The following ME1 variants were observed in gnomAD, a reference collection of about 807,000 sequenced individuals.
The protein encoded by ME1 is NADP-dependent malic enzyme.
In ME1, 74 loss-of-function variants were observed where a neutral mutation model predicts 66.4. That is an observed-to-expected ratio of 1.11 (90% CI 0.92 to 1.35). The LOEUF (loss-of-function observed/expected upper bound fraction) is 1.35, where lower values mean the gene tolerates loss of function less well. ME1 is among the 40% of genes most tolerant of loss of function. The pLI is 0.00. For missense variants in ME1, 750 were observed against 694.1 expected (o/e 1.08, Z -0.90); for synonymous variants, 251 against 235.6 (o/e 1.07, Z -0.60).
intron 5 of ME1, 128 bp from the exon 6 acceptor site, chr6:83,315,541 A>C: frequency 3.3e-6 from 2 of 611,772 alleles, no homozygotes; most frequent in Non-Finnish European, 5.8e-6. Flanking sequence ...TTCAGAATTA[A>C]CCTACAGGGT....
intron 3 of ME1, among the ~76,000 whole-genome samples, chr6:83,354,436 G>A (rs775990842): frequency 2.0e-4 from 30 of 152,034 alleles, no homozygotes; most frequent in East Asian, 1.9e-4. Flanking sequence ...TTGGCCTCTC[G>A]TGGTTTTAAA....
intron 6 of ME1, among the ~76,000 whole-genome samples, chr6:83,270,427 C>G (rs1238832447): frequency 1.3e-5 from 2 of 152,026 alleles, no homozygotes; most frequent in African/African-American, 4.8e-5. Flanking sequence ...TTTGATATTT[C>G]TATAGGACAA....
intron 4 of ME1, among the ~76,000 whole-genome samples, chr6:83,347,041 C>A (rs1768700794): frequency 6.6e-6 from 1 of 152,110 alleles, no homozygotes; most frequent in Non-Finnish European, 1.5e-5. Context: ...GCAACCTCTG[C>A]CTACCGGGTT....
chr6:83,376,804 C>CCAAAAAAAAAA (rs768668584), intron 3 of ME1, among the ~76,000 whole-genome samples: 8 of 87,128 alleles, frequency 9.2e-5, no homozygotes, highest in African/African-American at 3.1e-4. Flanking sequence ...CCCTGTCTCA[C>CCAAAAAAAAAA]AAAAAAAAAA....
chr6:83,397,675 C>T (rs1286299588), intron 3 of ME1, among the ~76,000 whole-genome samples: 1 of 152,178 alleles, frequency 6.6e-6, no homozygotes, highest in East Asian at 1.9e-4. Context: ...TCTGCACTCA[C>T]TCCCATGTTC....
chr6:83,392,147 G>A (rs1054263798), intron 3 of ME1, among the ~76,000 whole-genome samples: 3 of 152,138 alleles, frequency 2.0e-5, no homozygotes, highest in Admixed American at 6.5e-5. Flanking sequence ...GCATCTTCTC[G>A]TGCATTGCCA....
intron 3 of ME1, among the ~76,000 whole-genome samples, chr6:83,390,931 A>G (rs904361811): frequency 2.6e-4 from 39 of 152,022 alleles, no homozygotes; most frequent in Non-Finnish European, 1.5e-5. Context: ...TATATATGTA[A>G]ACATATTTAT....
intron 6 of ME1, among the ~76,000 whole-genome samples, chr6:83,263,410 A>T (rs1399358733): frequency 6.6e-6 from 1 of 152,214 alleles, no homozygotes; most frequent in African/African-American, 2.4e-5. Context: ...GAAAGCTGAG[A>T]CAGGACAAAA....
intron 7 of ME1, among the ~76,000 whole-genome samples, chr6:83,243,875 A>C (rs917308557): frequency 1.8e-4 from 20 of 112,422 alleles, no homozygotes; most frequent in African/African-American, 6.0e-4. Context: ...CTCTCTCTCT[A>C]TATGTGTGTG....
At chr6:83,422,343 T>A (rs2128553599) in intron 1 of ME1, among the ~76,000 whole-genome samples, 1 of 152,264 alleles carries the variant, frequency 6.6e-6, no homozygotes, top group East Asian at 1.9e-4. Context: ...CAAAATCACC[T>A]AACCAGGTTG....
chr6:83,427,600 CAAAAAT>C (rs1431331516), intron 1 of ME1, among the ~76,000 whole-genome samples: 2 of 151,864 alleles, frequency 1.3e-5, no homozygotes, highest in Non-Finnish European at 2.9e-5. Context: ...TGTTTAAAGA[CAAAAAT>C]AAAGACATGG....
At chr6:83,219,800 C>A (rs1289949233) in intron 12 of ME1, among the ~76,000 whole-genome samples, 1 of 147,790 alleles carries the variant, frequency 6.8e-6, no homozygotes, top group Non-Finnish European at 1.5e-5. Context: ...GTTGGCCAGG[C>A]TGGTCTCAAA....
intron 3 of ME1, among the ~76,000 whole-genome samples, chr6:83,354,717 C>T (rs908391903): frequency 3.7e-4 from 57 of 152,156 alleles, no homozygotes; most frequent in Non-Finnish European, 1.8e-4. Flanking sequence ...CTGGCATCAT[C>T]ACCCAGCGTA....
At chr6:83,266,116 G>A (rs774215487) in intron 6 of ME1, among the ~76,000 whole-genome samples, 9 of 152,178 alleles carry the variant, frequency 5.9e-5, no homozygotes, top group East Asian at 1.9e-4. Flanking sequence ...ATTGTACAGC[G>A]TTCCAGAATA....
chr6:83,417,057 C>T (rs9361995), intron 1 of ME1, among the ~76,000 whole-genome samples: 64,631 of 151,784 alleles, frequency 0.43, 14,915 homozygotes, highest in African/African-American at 0.59. Context: ...TTTTGTTTTG[C>T]TTTGTTTTGC....
chr6:83,249,905 T>C lies in ME1; in HGVS notation c.814+3724A>G, dbSNP rs577858075. Among the ~76,000 whole-genome samples, 7 of 152,280 alleles carry C rather than the reference T, an allele frequency of 4.6e-5. No homozygotes were observed. In the East Asian group the frequency reaches 1.4e-3, roughly 29 times the overall value. On this transcript the variant is annotated intron_variant, in intron 7 of 13. Transcript: ENST00000369705. The stretch of plus-strand genomic sequence containing the variant: ...CTTTTTATCTTCACTTTCTTCCCTA[T>C]CCAGCTTAGGGTCATGGTCATCATT...
At chr6:83,370,857 A>G (rs992030833) in intron 3 of ME1, among the ~76,000 whole-genome samples, 5 of 152,240 alleles carry the variant, frequency 3.3e-5, no homozygotes, top group African/African-American at 1.2e-4. Flanking sequence ...GAAATAGGAG[A>G]GACATTCTAT....
chr6:83,359,298 C>A (rs779793611), intron 3 of ME1, among the ~76,000 whole-genome samples: 1 of 152,114 alleles, frequency 6.6e-6, no homozygotes, highest in Non-Finnish European at 1.5e-5. Context: ...GACAAAAGTC[C>A]CGGCAGGCCC....
chr6:83,281,846 C>A (rs28431925), intron 6 of ME1, among the ~76,000 whole-genome samples: 8,869 of 56,820 alleles, frequency 0.16, no homozygotes, highest in Middle Eastern at 0.26. Flanking sequence ...GAAAAGAAAA[C>A]AAAAAAGAGA....
Sources: gnomAD v4.1 joint callset for allele counts (sites outside exome capture counted in the v4.1 genomes callset) on GRCh38, gnomAD v4.1.1 for gene constraint, MANE v1.5 for transcripts, NCBI Gene and HGNC (gene_info 2026-07-23, HGNC 2026-07-21) for gene names.